CADPS2: variants seen among roughly 807,000 people sequenced by gnomAD.
CADPS2 encodes calcium-dependent secretion activator 2.
CADPS2 carries 93 observed loss-of-function variants against 172.5 expected under a neutral mutation model. The observed-to-expected ratio is 0.54, with a 90% CI of 0.46 to 0.64. The LOEUF (loss-of-function observed/expected upper bound fraction) is 0.64. CADPS2 is among the 30% of genes least tolerant of loss of function. The probability of loss-of-function intolerance (pLI) is 0.00; values close to 1 mark genes in which losing one functional copy is unlikely to be tolerated. For synonymous variants in CADPS2, 546 were observed against 555.2 expected (o/e 0.98, Z 0.23); for missense variants, 1,420 against 1,565.9 (o/e 0.91, Z 1.57).
intron 17 of CADPS2, among the ~76,000 whole-genome samples, chr7:122,419,273 C>G (rs1316087181): frequency 6.6e-6 from 1 of 152,180 alleles, no homozygotes; most frequent in African/African-American, 2.4e-5. Context: ...TCATCTGTAT[C>G]TAATACATCA....
At chr7:122,523,764 T>G (rs1407583762) in intron 8 of CADPS2, among the ~76,000 whole-genome samples, 1 of 152,202 alleles carries the variant, frequency 6.6e-6, no homozygotes, top group Admixed American at 6.5e-5. Flanking sequence ...TGTCTACACA[T>G]GCTTCACTGT....
At chr7:122,763,240 T>A (rs2093447201) in intron 1 of CADPS2, among the ~76,000 whole-genome samples, 1 of 152,136 alleles carries the variant, frequency 6.6e-6, no homozygotes, top group South Asian at 2.1e-4. Flanking sequence ...TGGATGTGCA[T>A]AATATAAATA....
At chr7:122,362,103 AAAAC>A (rs746659513) in intron 25 of CADPS2, among the ~76,000 whole-genome samples, 11 of 152,060 alleles carry the variant, frequency 7.2e-5, no homozygotes, top group East Asian at 1.9e-4. Flanking sequence ...AAAAAACCAA[AAAAC>A]AAACAAACAA....
intron 7 of CADPS2, among the ~76,000 whole-genome samples, chr7:122,563,198 T>C (rs1321720111): frequency 6.6e-6 from 1 of 152,316 alleles, no homozygotes; most frequent in South Asian, 2.1e-4. Context: ...GTTTTTAATA[T>C]GTATATAGAC....
intron 6 of CADPS2, among the ~76,000 whole-genome samples, chr7:122,588,387 A>G (rs2070138864): frequency 6.6e-6 from 1 of 152,050 alleles, no homozygotes; most frequent in Non-Finnish European, 1.5e-5. Context: ...AGGTGTGAAG[A>G]AGGGGTCCAG....
At chr7:122,749,174 C>T (rs2092842066) in intron 1 of CADPS2, among the ~76,000 whole-genome samples, 2 of 152,114 alleles carry the variant, frequency 1.3e-5, no homozygotes. Flanking sequence ...CATATTTTCT[C>T]CCACGTATCA....
In CADPS2 at chr7:122,835,894, G is replaced by T. The variant is rs550393746; in HGVS notation, c.339+50105C>A. ...GGGAGAACTTCCCCAATCTAGCAAG[G>T]CAGGCCAACATTCAAACTCAGGAAA... is the stretch of plus-strand genomic sequence containing the variant. On this transcript the variant is annotated intron_variant, in intron 1 of 29. Transcript: ENST00000449022. 2.0e-5 allele frequency among the ~76,000 whole-genome samples: 3 copies of T among 152,224 alleles called. No homozygotes were observed. In the South Asian group the frequency reaches 6.2e-4, roughly 32 times the overall value.
At chr7:122,464,649 C>G (rs2054900293) in intron 14 of CADPS2, among the ~76,000 whole-genome samples, 1 of 152,132 alleles carries the variant, frequency 6.6e-6, no homozygotes, top group African/African-American at 2.4e-5. Flanking sequence ...TTTACAAAAA[C>G]TCATAATCTC....
intron 19 of CADPS2, 45 bp from the exon 20 acceptor site, chr7:122,407,741 T>G (rs75792974): frequency 6.6e-7 from 1 of 1,516,144 alleles, no homozygotes; most frequent in African/African-American, 1.4e-5. Flanking sequence ...GATTACTTTT[T>G]AGAAACATGC....
At chr7:122,807,002 G>C (rs1339439143) in intron 1 of CADPS2, among the ~76,000 whole-genome samples, 1 of 152,172 alleles carries the variant, frequency 6.6e-6, no homozygotes, top group African/African-American at 2.4e-5. Context: ...CCTTTGCAGT[G>C]AAAATGATGC....
chr7:122,748,514 G>A (rs1588960865), intron 1 of CADPS2, among the ~76,000 whole-genome samples: 1 of 152,166 alleles, frequency 6.6e-6, no homozygotes, highest in Non-Finnish European at 1.5e-5. Flanking sequence ...TAAAGATGCT[G>A]ACCAACTCAT....
In CADPS2 at chr7:122,826,357, A is replaced by G. The variant is rs116130813; in HGVS notation, c.339+59642T>C. Among the ~76,000 whole-genome samples the G allele has an allele frequency of 9.0e-3, 1,366 of 152,330 alleles. 15 individuals are homozygous for G. The highest frequency in any genetic ancestry group is 0.03 in the African/African-American group (1,267 of 41,576). ...AACTACCAGTTAAAACACAAAGTTT[A>G]AACAACATCCCAAGTCTCATAACAT... On this transcript the variant is annotated intron_variant, in intron 1 of 29. Coordinates refer to ENST00000449022, the MANE Select transcript of CADPS2 (RefSeq NM_017954.11).
At chr7:122,570,392 G>A (rs2067075140) in intron 7 of CADPS2, among the ~76,000 whole-genome samples, 1 of 150,018 alleles carries the variant, frequency 6.7e-6, no homozygotes, top group African/African-American at 2.5e-5. Context: ...AACAGGTGCT[G>A]GAGAGGATGT....
chr7:122,450,445 C>T (rs2052914965), intron 15 of CADPS2, among the ~76,000 whole-genome samples: 1 of 150,162 alleles, frequency 6.7e-6, no homozygotes, highest in African/African-American at 2.5e-5. Flanking sequence ...TAACTATAAC[C>T]AGGAGAAAAG....
chr7:122,435,420 A>G (rs962604095), intron 17 of CADPS2, among the ~76,000 whole-genome samples: 3 of 152,152 alleles, frequency 2.0e-5, no homozygotes, highest in Non-Finnish European at 4.4e-5. Flanking sequence ...AACATCACTA[A>G]TCTTCAGGGA....
chr7:122,554,414 T>C, intron 8 of CADPS2, 136 bp downstream of exon 8: 1 of 803,860 alleles, frequency 1.2e-6, no homozygotes, highest in Non-Finnish European at 1.9e-6. Context: ...TTGAGTAAGA[T>C]AACTTACGTA....
intron 3 of CADPS2, among the ~76,000 whole-genome samples, chr7:122,657,645 T>C (rs1038458257): frequency 1.3e-5 from 2 of 152,210 alleles, no homozygotes; most frequent in African/African-American, 2.4e-5. Flanking sequence ...CTTGTGATTT[T>C]TGCACATTGA....
In CADPS2 at chr7:122,416,180, T is replaced by C. The variant is rs563865046; in HGVS notation, c.2477-16A>G. ...TTCATGGTCTCTATATGAAAAAAAATCATAATCATGTTACCTTGAAAATAA... is the reference window on the plus strand; with the variant it reads ...TTCATGGTCTCTATATGAAAAAAAACCATAATCATGTTACCTTGAAAATAA... On this transcript the variant is annotated splice_polypyrimidine_tract_variant and intron_variant, in intron 17 of 29. Transcript: ENST00000449022. The C allele has an allele frequency of 7.0e-7, 1 of 1,433,720 alleles. No homozygotes were observed. The highest frequency in any genetic ancestry group is 9.5e-7 in the Non-Finnish European group (1 of 1,052,700). 88.8% of individuals were successfully genotyped at this position (1,433,720 alleles called of 1,614,324 possible). A position where few individuals can be genotyped will look rare whatever the true frequency, so the allele number is the denominator to read the frequency against.
chr7:122,367,348 G>C (rs1208188725), intron 25 of CADPS2, among the ~76,000 whole-genome samples: 2 of 150,474 alleles, frequency 1.3e-5, no homozygotes, highest in Non-Finnish European at 3.0e-5. Context: ...ATATAGTTGT[G>C]GGAAAAGTGT....
Sources: gnomAD v4.1 joint callset for allele counts (sites outside exome capture counted in the v4.1 genomes callset) on GRCh38, gnomAD v4.1.1 for gene constraint, MANE v1.5 for transcripts, NCBI Gene and HGNC (gene_info 2026-07-23, HGNC 2026-07-21) for gene names.